CNTNAP4: variants seen among roughly 807,000 people sequenced by gnomAD.
CNTNAP4 encodes the protein contactin-associated protein-like 4.
A neutral mutation model predicts 148.4 loss-of-function variants in CNTNAP4; 98 were observed. The ratio of observed to expected loss-of-function variants is 0.66; its 90% CI spans 0.56 to 0.78. The LOEUF (loss-of-function observed/expected upper bound fraction) is 0.78, where lower values mean the gene tolerates loss of function less well. Ranked by LOEUF, CNTNAP4 falls within the 30% of genes least tolerant of loss-of-function variation. The probability of loss-of-function intolerance (pLI) is 0.00; values close to 1 mark genes in which losing one functional copy is unlikely to be tolerated. For missense variants in CNTNAP4, 1,935 were observed against 1,565.6 expected (o/e 1.24, Z -3.98); for synonymous variants, 730 against 565.1 (o/e 1.29, Z -4.14).
chr16:76,447,152 TAAAC>T (rs542343199), intron 4 of CNTNAP4, among the ~76,000 whole-genome samples: 4 of 151,738 alleles, frequency 2.6e-5, no homozygotes, highest in African/African-American at 9.7e-5. Context: ...CCATAAAAAA[TAAAC>T]AAAATTAGCT....
intron 3 of CNTNAP4, among the ~76,000 whole-genome samples, chr16:76,419,200 C>A (rs187757436): frequency 1.3e-5 from 2 of 152,088 alleles, no homozygotes; most frequent in Admixed American, 1.3e-4. Flanking sequence ...GGTTTCCAAT[C>A]TATTTCTGTG....
chr16:76,485,894 C>T (rs552681872), intron 12 of CNTNAP4, among the ~76,000 whole-genome samples: 1 of 152,220 alleles, frequency 6.6e-6, no homozygotes, highest in Non-Finnish European at 1.5e-5. Flanking sequence ...CCCCTCCTGT[C>T]TCCTCTGCTT....
At chr16:76,391,611 C>A (rs148387214) in intron 3 of CNTNAP4, among the ~76,000 whole-genome samples, 1 of 152,248 alleles carries the variant, frequency 6.6e-6, no homozygotes, top group African/African-American at 2.4e-5. Context: ...GTGTAAAGTG[C>A]AGACTCCAAG....
intron 3 of CNTNAP4, among the ~76,000 whole-genome samples, chr16:76,379,057 A>T (rs561233967): frequency 6.6e-6 from 1 of 152,302 alleles, no homozygotes; most frequent in Admixed American, 6.5e-5. Context: ...CTCTGGGTTC[A>T]TGTGACCTTT....
intron 1 of CNTNAP4, chr16:76,310,036 A>G: frequency 1.7e-6 from 1 of 595,560 alleles, no homozygotes; most frequent in Non-Finnish European, 3.0e-6. Context: ...GTTGCTTCAG[A>G]CAGAAGTCTG....
chr16:76,290,389 C>T (rs1289069963), intron 1 of CNTNAP4, among the ~76,000 whole-genome samples: 1 of 152,200 alleles, frequency 6.6e-6, no homozygotes, highest in African/African-American at 2.4e-5. Flanking sequence ...CCATATACCA[C>T]ATATGCTCAT....
chr16:76,401,940 T>G (rs1025643249), intron 3 of CNTNAP4, among the ~76,000 whole-genome samples: 33 of 152,168 alleles, frequency 2.2e-4, no homozygotes, highest in Non-Finnish European at 2.9e-4. Flanking sequence ...TGGATTCAGC[T>G]TGCAAGTATT....
intron 15 of CNTNAP4, among the ~76,000 whole-genome samples, chr16:76,503,468 T>G (rs948368402): frequency 6.6e-6 from 1 of 152,182 alleles, no homozygotes; most frequent in African/African-American, 2.4e-5. Flanking sequence ...TCAAATTATA[T>G]TTTTAAAAAG....
At chr16:76,288,486 C>G (rs1385744797) in intron 1 of CNTNAP4, among the ~76,000 whole-genome samples, 1 of 152,150 alleles carries the variant, frequency 6.6e-6, no homozygotes, top group African/African-American at 2.4e-5. Context: ...TCTAAAACCT[C>G]TTGGAAAATG....
At chr16:76,357,948 G>C (rs1452926542) in intron 3 of CNTNAP4, among the ~76,000 whole-genome samples, 1 of 152,072 alleles carries the variant, frequency 6.6e-6, no homozygotes, top group African/African-American at 2.4e-5. Flanking sequence ...TAGGTGAAAG[G>C]ACCAATAAAT....
chr16:76,305,414 C>A (rs979749883), intron 1 of CNTNAP4, among the ~76,000 whole-genome samples: 22 of 151,856 alleles, frequency 1.4e-4, no homozygotes, highest in African/African-American at 4.8e-4. Context: ...TTTTTAAAAC[C>A]AATTCCTTCC....
intron 2 of CNTNAP4, among the ~76,000 whole-genome samples, chr16:76,320,222 A>G (rs1962260156): frequency 6.6e-6 from 1 of 152,214 alleles, no homozygotes; most frequent in Non-Finnish European, 1.5e-5. Flanking sequence ...TTGTGTTCTA[A>G]TGCTGGGTAA....
At chr16:76,331,095 T>A (rs1963467283) in intron 2 of CNTNAP4, among the ~76,000 whole-genome samples, 1 of 151,978 alleles carries the variant, frequency 6.6e-6, no homozygotes, top group Non-Finnish European at 1.5e-5. Flanking sequence ...TTCATCAGGT[T>A]CCAAAATATG....
rs140398372 is a variant in CNTNAP4 at position 76,536,726 on chromosome 16, C to T, written c.2995+942C>T. ...AATAGTAGAATACTTTTCAGCTTCT[C>T]TCATTATCTGATATGCCTCATGGAA... On this transcript the variant is annotated intron_variant, in intron 18 of 23. Coordinates refer to ENST00000611870, the MANE Select transcript of CNTNAP4 (RefSeq NM_033401.5). Among the ~76,000 whole-genome samples, 96 of 152,212 alleles carry T rather than the reference C, an allele frequency of 6.3e-4. 1 individual carries two copies. Among genetic ancestry groups the T allele is most frequent in the East Asian group, 5.6e-3 (29 of 5,176 alleles).
chr16:76,373,918 A>C (rs2015141510), intron 3 of CNTNAP4, among the ~76,000 whole-genome samples: 1 of 151,736 alleles, frequency 6.6e-6, no homozygotes, highest in Non-Finnish European at 1.5e-5. Flanking sequence ...AAAAAAAGAA[A>C]AGGAAAGGAA....
chr16:76,395,356 C>G (rs372285039), intron 3 of CNTNAP4, among the ~76,000 whole-genome samples: 1 of 151,368 alleles, frequency 6.6e-6, no homozygotes, highest in Non-Finnish European at 1.5e-5. Flanking sequence ...ACCTCTGCCT[C>G]CAGGGTTCAA....
intron 2 of CNTNAP4, among the ~76,000 whole-genome samples, chr16:76,327,082 G>T (rs1478276372): frequency 2.0e-5 from 3 of 152,122 alleles, no homozygotes; most frequent in Admixed American, 6.5e-5. Flanking sequence ...AAAATCAGAG[G>T]TACATGTGCA....
At chr16:76,421,466 T>C (rs909837406) in intron 3 of CNTNAP4, among the ~76,000 whole-genome samples, 1 of 152,106 alleles carries the variant, frequency 6.6e-6, no homozygotes, top group Admixed American at 6.6e-5. Context: ...TCCTGATGTC[T>C]TGTTCAACAT....
At chr16:76,420,081 T>A (rs1262062051) in intron 3 of CNTNAP4, among the ~76,000 whole-genome samples, 1 of 143,864 alleles carries the variant, frequency 7.0e-6, no homozygotes, top group African/African-American at 2.4e-5. Context: ...AGAAAAGTGA[T>A]TGATTTCTAG....
Sources: allele counts gnomAD v4.1 joint callset (sites outside exome capture counted in the v4.1 genomes callset), GRCh38; gene constraint gnomAD v4.1.1; transcripts MANE v1.5; gene names NCBI Gene and HGNC (gene_info 2026-07-23, HGNC 2026-07-21).